The following ERC2 variants were observed in gnomAD, a reference collection of about 807,000 sequenced individuals.
The protein encoded by ERC2 is ELKS/RAB6-interacting/CAST family member 2, also known as ERC protein 2.
Under a neutral mutation model 114.8 loss-of-function variants are expected in ERC2, and 42 were observed. That is an observed-to-expected ratio of 0.37 (90% CI 0.29 to 0.47). The LOEUF is 0.47. Among genes scored for constraint, ERC2 ranks in the 20% least tolerant of loss-of-function variants. The probability of loss-of-function intolerance (pLI) is 0.99; values close to 1 mark genes in which losing one functional copy is unlikely to be tolerated. For missense variants in ERC2, 939 were observed against 1,150.7 expected (o/e 0.82, Z 2.66); for synonymous variants, 454 against 425.5 (o/e 1.07, Z -0.82).
At chr3:55,691,631 A>T (rs377528225) in intron 16 of ERC2, among the ~76,000 whole-genome samples, 1 of 143,848 alleles carries the variant, frequency 7.0e-6, no homozygotes, top group East Asian at 2.1e-4. Flanking sequence ...AGCTTTAGAC[A>T]TACTAGCTTG....
intron 14 of ERC2, among the ~76,000 whole-genome samples, chr3:55,796,223 C>T (rs929774835): frequency 6.7e-6 from 1 of 150,282 alleles, no homozygotes; most frequent in Non-Finnish European, 1.5e-5. Flanking sequence ...GCAAAAGGTT[C>T]GAAGCAGGCA....
intron 6 of ERC2, among the ~76,000 whole-genome samples, chr3:56,120,648 G>A (rs1015207847): frequency 6.6e-6 from 1 of 152,180 alleles, no homozygotes; most frequent in African/African-American, 2.4e-5. Flanking sequence ...TGGAGGGAAT[G>A]TCCACAGAAT....
Position 56,070,217 on chromosome 3 carries a change from A to T in ERC2, c.1641+10600T>A, listed in dbSNP as rs114314708. Reference sequence around the variant, plus strand: ...GAACATTTTCCTTCCCACATAAATAAGGTTGATTTAAATCAAATGGCCTGG... The same window carrying T: ...GAACATTTTCCTTCCCACATAAATATGGTTGATTTAAATCAAATGGCCTGG... On this transcript the variant is annotated intron_variant, in intron 7 of 17. Coordinates refer to ENST00000288221, the MANE Select transcript of ERC2 (RefSeq NM_015576.3). 6.4e-3 allele frequency among the ~76,000 whole-genome samples: 972 copies of T among 152,354 alleles called. 8 individuals carry two copies. Among genetic ancestry groups the T allele is most frequent in the African/African-American group, 0.022 (912 of 41,598 alleles).
chr3:55,960,514 C>G (rs979623810), intron 12 of ERC2, among the ~76,000 whole-genome samples: 1 of 152,230 alleles, frequency 6.6e-6, no homozygotes, highest in Non-Finnish European at 1.5e-5. Flanking sequence ...CCTCCTATCA[C>G]TGAGAATCTC....
intron 2 of ERC2, among the ~76,000 whole-genome samples, chr3:56,419,876 G>A (rs558883568): frequency 6.6e-6 from 1 of 152,148 alleles, no homozygotes; most frequent in Non-Finnish European, 1.5e-5. Context: ...GCTTCCCAAA[G>A]GTAAAAACCC....
chr3:56,066,709 C>T (rs2076499248), intron 7 of ERC2, among the ~76,000 whole-genome samples: 2 of 152,128 alleles, frequency 1.3e-5, no homozygotes, highest in South Asian at 2.1e-4. Context: ...AGTCTTTAAT[C>T]CACCTTAAGT....
chr3:55,723,766 T>G (rs2064732692), intron 15 of ERC2, among the ~76,000 whole-genome samples: 1 of 152,218 alleles, frequency 6.6e-6, no homozygotes, highest in East Asian at 1.9e-4. Context: ...AGGACAGACC[T>G]GGTGTGCACC....
chr3:56,222,592 T>C (rs1251491314), intron 3 of ERC2, among the ~76,000 whole-genome samples: 1 of 152,158 alleles, frequency 6.6e-6, no homozygotes, highest in East Asian at 1.9e-4. Context: ...TTCTGAACCA[T>C]CTACTCATAA....
intron 17 of ERC2, chr3:55,657,430 T>C (rs2060920878): frequency 6.6e-6 from 1 of 152,126 alleles, no homozygotes; most frequent in Admixed American, 6.5e-5. Flanking sequence ...CCTCTGTCAC[T>C]ATTATTACTA....
rs1560058512 is a variant in ERC2 at position 56,033,046 on chromosome 3, AAG to A, written c.1642-14017_1642-14016del. ...AAAAAGAAACAGAAAGAAAGAAAGAAAGAAAGAAAGAAAGAAAGAAAGAAAGA... is the reference window on the plus strand; with the variant it reads ...AAAAAGAAACAGAAAGAAAGAAAGAAAAAGAAAGAAAGAAAGAAAGAAAGA... On this transcript the variant is annotated intron_variant, in intron 7 of 17. Coordinates refer to ENST00000288221, the MANE Select transcript of ERC2 (RefSeq NM_015576.3). Among the ~76,000 whole-genome samples, 9 of 95,178 alleles carry A rather than the reference AAG, an allele frequency of 9.5e-5. No individual in the cohort carries two copies. The South Asian group carries it at 1.0e-3, about 11-fold the overall frequency. The allele number at this position is 95,178 out of a possible 152,430, so 62.4% of individuals were successfully genotyped here. A position where few individuals can be genotyped will look rare whatever the true frequency, so the allele number is the denominator to read the frequency against.
chr3:55,881,110 T>C (rs1303359408), intron 14 of ERC2, among the ~76,000 whole-genome samples: 1 of 152,214 alleles, frequency 6.6e-6, no homozygotes, highest in African/African-American at 2.4e-5. Flanking sequence ...AGAAATGTGA[T>C]TTGTCTTTTC....
intron 14 of ERC2, among the ~76,000 whole-genome samples, chr3:55,882,343 C>T (rs947396630): frequency 1.3e-5 from 2 of 152,208 alleles, no homozygotes; most frequent in African/African-American, 2.4e-5. Context: ...GTACAGCCTG[C>T]AGAACCATGA....
At chr3:55,714,991 G>T (rs2064028116) in intron 15 of ERC2, among the ~76,000 whole-genome samples, 1 of 152,048 alleles carries the variant, frequency 6.6e-6, no homozygotes, top group Admixed American at 6.6e-5. Flanking sequence ...TTGGAGAATT[G>T]AGACTCCTGT....
chr3:55,959,628 G>A (rs12495172), intron 12 of ERC2, among the ~76,000 whole-genome samples: 59,781 of 152,080 alleles, frequency 0.39, 11,992 homozygotes, highest in Admixed American at 0.5. Flanking sequence ...TCAGGGCCAC[G>A]TGATTAACTA....
chr3:55,928,695 C>G (rs2065893247), intron 13 of ERC2, among the ~76,000 whole-genome samples: 1 of 152,188 alleles, frequency 6.6e-6, no homozygotes. Context: ...GTCCAATGTC[C>G]TGGAGAGTTT....
chr3:55,933,481 A>G (rs547193369), intron 13 of ERC2, among the ~76,000 whole-genome samples: 91 of 152,378 alleles, frequency 6.0e-4, no homozygotes, highest in Non-Finnish European at 2.1e-4. Context: ...ACAGGGAAGT[A>G]TACAGTGTTT....
intron 1 of ERC2, among the ~76,000 whole-genome samples, chr3:56,454,882 A>G (rs1207296706): frequency 6.6e-6 from 1 of 151,678 alleles, no homozygotes; most frequent in Admixed American, 6.6e-5. Flanking sequence ...AAAAAAAAGG[A>G]AATGAAATTC....
At chr3:55,710,154 A>G (rs551085115) in intron 15 of ERC2, among the ~76,000 whole-genome samples, 5 of 152,074 alleles carry the variant, frequency 3.3e-5, no homozygotes, top group Admixed American at 1.3e-4. Flanking sequence ...AGCTCACCCT[A>G]ACTAGGGTCG....
intron 2 of ERC2, among the ~76,000 whole-genome samples, chr3:56,345,890 G>C (rs1043743076): frequency 6.6e-6 from 1 of 152,192 alleles, no homozygotes; most frequent in African/African-American, 2.4e-5. Flanking sequence ...AGAAGACTGT[G>C]TTACTTCATA....
Sources: allele counts gnomAD v4.1 joint callset (sites outside exome capture counted in the v4.1 genomes callset), GRCh38; gene constraint gnomAD v4.1.1; transcripts MANE v1.5; gene names NCBI Gene and HGNC (gene_info 2026-07-23, HGNC 2026-07-21).